The following MAP2K6 variants were observed in gnomAD, a reference collection of about 807,000 sequenced individuals.
MAP2K6 encodes dual specificity mitogen-activated protein kinase kinase 6.
Under a neutral mutation model 53.7 loss-of-function variants are expected in MAP2K6, and 16 were observed. The ratio of observed to expected loss-of-function variants is 0.30; its 90% CI spans 0.20 to 0.45. The LOEUF (loss-of-function observed/expected upper bound fraction) is 0.45, where lower values mean the gene tolerates loss of function less well. Ranked by LOEUF, MAP2K6 falls within the 20% of genes least tolerant of loss-of-function variation. The pLI is 1.00. For synonymous variants in MAP2K6, 132 were observed against 143.1 expected (o/e 0.92, Z 0.55); for missense variants, 204 against 411.9 (o/e 0.50, Z 4.37).
intron 1 of MAP2K6, among the ~76,000 whole-genome samples, chr17:69,500,682 G>A (rs1041659390): frequency 2.0e-5 from 3 of 151,920 alleles, no homozygotes; most frequent in Non-Finnish European, 4.4e-5. Context: ...CACAAAGCCG[G>A]GAGGCGGAGG....
At position 69,541,753 on chromosome 17, in the gene MAP2K6, A is replaced by G. The variant is rs1402799983; in HGVS notation, c.1005A>G (p.Ter335=). 1 of 1,611,384 alleles carries G rather than the reference A, an allele frequency of 6.2e-7. No homozygotes were observed. The highest frequency in any genetic ancestry group is 1.3e-5 in the African/African-American group (1 of 74,860). The part of the protein sequence containing the change: ...ASFVKLILGD[*] ...TTGTAAAACTGATTCTTGGAGACTA[A>G]AAAGCAGTGGACTTAATCGGTTGAC... Residue 335 remains the stop codon, a stop_retained_variant, in exon 12 of 12, where the codon TAA becomes TAG. Coordinates refer to ENST00000590474, the MANE Select transcript of MAP2K6 (RefSeq NM_002758.4).
chr17:69,452,586 C>T (rs1028053143), intron 1 of MAP2K6, among the ~76,000 whole-genome samples: 5 of 152,166 alleles, frequency 3.3e-5, no homozygotes, highest in African/African-American at 1.2e-4. Context: ...TGTCTTCCTT[C>T]CAGAAGATTA....
At chr17:69,495,903 C>A (rs1017856033) in intron 1 of MAP2K6, among the ~76,000 whole-genome samples, 1 of 152,026 alleles carries the variant, frequency 6.6e-6, no homozygotes, top group Admixed American at 6.6e-5. Context: ...AGTGAAGCAG[C>A]CCATAAATGA....
At chr17:69,479,986 T>C (rs1282310880) in intron 1 of MAP2K6, among the ~76,000 whole-genome samples, 1 of 152,316 alleles carries the variant, frequency 6.6e-6, no homozygotes, top group Admixed American at 6.5e-5. Context: ...TCCACCCGGC[T>C]TGGCCTCCCA....
intron 1 of MAP2K6, among the ~76,000 whole-genome samples, chr17:69,486,783 C>T (rs550735862): frequency 2.6e-5 from 4 of 152,168 alleles, no homozygotes; most frequent in Admixed American, 1.3e-4. Context: ...AAGGGGCATT[C>T]GTTTGTAAAC....
rs1016462266 is a variant in MAP2K6 at position 69,544,449 on chromosome 17, G to T, written c.*2696G>T. 6.6e-6 allele frequency: 1 copy of T among 152,102 alleles called. No individual in the cohort carries two copies. Among genetic ancestry groups the T allele is most frequent in the Non-Finnish European group, 1.5e-5 (1 of 68,012 alleles). The allele number at this position is 152,102 out of a possible 1,614,324, so 9.4% of individuals were successfully genotyped here. A position where few individuals can be genotyped will look rare whatever the true frequency, so the allele number is the denominator to read the frequency against. On this transcript the variant is annotated 3_prime_UTR_variant, in exon 12 of 12. Coordinates refer to ENST00000590474, the MANE Select transcript of MAP2K6 (RefSeq NM_002758.4). ...AAGATACCTAAACTATATATAAATG[G>T]GGAGTATTCTGTACATATAGACTTA...
chr17:69,522,935 C>T (rs1910556438), intron 7 of MAP2K6, among the ~76,000 whole-genome samples: 4 of 151,842 alleles, frequency 2.6e-5, no homozygotes. Flanking sequence ...GTGGTTCCCA[C>T]CTGTAGTCCA....
chr17:69,441,606 A>G (rs938945595), intron 1 of MAP2K6, among the ~76,000 whole-genome samples: 1 of 152,154 alleles, frequency 6.6e-6, no homozygotes, highest in Non-Finnish European at 1.5e-5. Flanking sequence ...TGTCGTTTCA[A>G]TATTGATTGT....
Position 69,545,199 on chromosome 17 carries a change from G to T in MAP2K6, c.*3446G>T, listed in dbSNP as rs1020858547. ...AAGTGCATGATTATTTTTAACCAGA[G>T]TCATTCTTCCACCAGAATAAGTGTA... On this transcript the variant is annotated 3_prime_UTR_variant, in exon 12 of 12. Transcript: ENST00000590474. The T allele has an allele frequency of 3.3e-5, 5 of 151,524 alleles. No homozygotes were observed. Among genetic ancestry groups the T allele is most frequent in the Non-Finnish European group, 1.5e-5 (1 of 67,914 alleles). 9.4% of individuals were successfully genotyped at this position (151,524 alleles called of 1,614,324 possible).
chr17:69,536,171 T>C lies in MAP2K6; in HGVS notation c.927+11T>C, dbSNP rs773954870. 1.9e-6 allele frequency: 3 copies of C among 1,608,296 alleles called. No individual in the cohort carries two copies. The highest frequency in any genetic ancestry group is 8.5e-7 in the Non-Finnish European group (1 of 1,176,192). The stretch of plus-strand genomic sequence containing the variant: ...TACCCAGAGCTAATGGTGAGTATTG[T>C]TAGCAACGTAAACATGACTATACTG... On this transcript the variant is annotated intron_variant, in intron 11 of 11. Coordinates refer to ENST00000590474, the MANE Select transcript of MAP2K6 (RefSeq NM_002758.4).
At position 69,426,565 on chromosome 17, in the gene MAP2K6, T is replaced by C. The variant is rs143969499; in HGVS notation, c.16+11565T>C. Among the ~76,000 whole-genome samples, 563 of 152,268 alleles carry C rather than the reference T, an allele frequency of 3.7e-3. 3 individuals are homozygous for C. Among genetic ancestry groups the C allele is most frequent in the Non-Finnish European group, 5.6e-3 (383 of 68,016 alleles). Reference sequence around the variant, plus strand: ...GGAGGAGGTAAGAAAAGCATAAAAATGTGTAGAATCTAAACTGGAATCCTA... The same window carrying C: ...GGAGGAGGTAAGAAAAGCATAAAAACGTGTAGAATCTAAACTGGAATCCTA... On this transcript the variant is annotated intron_variant, in intron 1 of 11. Coordinates refer to ENST00000590474, the MANE Select transcript of MAP2K6 (RefSeq NM_002758.4).
intron 1 of MAP2K6, among the ~76,000 whole-genome samples, chr17:69,496,524 C>T (rs571040693): frequency 2.0e-5 from 3 of 152,146 alleles, no homozygotes; most frequent in Admixed American, 6.5e-5. Flanking sequence ...GTGTGCCCCA[C>T]GCCCGGCTAA....
chr17:69,425,334 A>G (rs186470127), intron 1 of MAP2K6, among the ~76,000 whole-genome samples: 1 of 150,702 alleles, frequency 6.6e-6, no homozygotes, highest in Non-Finnish European at 1.5e-5. Context: ...TTTTTCTGAG[A>G]TGGCGTATAG....
At chr17:69,481,742 A>G (rs77893234) in intron 1 of MAP2K6, among the ~76,000 whole-genome samples, 3,855 of 152,242 alleles carry the variant, frequency 0.025, 160 homozygotes, top group African/African-American at 0.087. Context: ...GACACCATTC[A>G]TATTAGATGA....
At chr17:69,507,783 C>T (rs1327866291) in intron 2 of MAP2K6, among the ~76,000 whole-genome samples, 1 of 152,110 alleles carries the variant, frequency 6.6e-6, no homozygotes, top group African/African-American at 2.4e-5. Context: ...CTGTTATGAG[C>T]ATTTATGCAT....
In MAP2K6 at chr17:69,553,515, A is replaced by G. The variant is rs1369677223; in HGVS notation, c.*11762A>G. 1 of 152,228 alleles carries G rather than the reference A, an allele frequency of 6.6e-6. No homozygotes were observed. Among genetic ancestry groups the G allele is most frequent in the Non-Finnish European group, 1.5e-5 (1 of 68,044 alleles). 9.4% of individuals were successfully genotyped at this position (152,228 alleles called of 1,614,324 possible). Reference sequence around the variant, plus strand: ...TGAGGAACTTTCACGTTGACTTCCTATCTCAGGATATTCTTCAGTTTCATA... The same window carrying G: ...TGAGGAACTTTCACGTTGACTTCCTGTCTCAGGATATTCTTCAGTTTCATA... On this transcript the variant is annotated 3_prime_UTR_variant, in exon 12 of 12. Coordinates refer to ENST00000590474, the MANE Select transcript of MAP2K6 (RefSeq NM_002758.4).
At chr17:69,515,415 C>G (rs183776083) in intron 2 of MAP2K6, among the ~76,000 whole-genome samples, 2 of 152,152 alleles carry the variant, frequency 1.3e-5, no homozygotes, top group Non-Finnish European at 1.5e-5. Flanking sequence ...CCTCAGCCTC[C>G]CAAAGTGCTG....
At chr17:69,452,752 A>T (rs1225429637) in intron 1 of MAP2K6, among the ~76,000 whole-genome samples, 1 of 152,244 alleles carries the variant, frequency 6.6e-6, no homozygotes, top group Non-Finnish European at 1.5e-5. Context: ...GGATAATTTT[A>T]AAATGGATTG....
At chr17:69,506,250 C>A (rs1909464346) in intron 2 of MAP2K6, among the ~76,000 whole-genome samples, 1 of 152,220 alleles carries the variant, frequency 6.6e-6, no homozygotes, top group South Asian at 2.1e-4. Flanking sequence ...CACATCCTGA[C>A]ACTTAAATTC....
Sources: allele counts gnomAD v4.1 joint callset (sites outside exome capture counted in the v4.1 genomes callset), GRCh38; gene constraint gnomAD v4.1.1; transcripts MANE v1.5; gene names NCBI Gene and HGNC (gene_info 2026-07-23, HGNC 2026-07-21).